The following GAB1 variants were observed in gnomAD, a reference collection of about 807,000 sequenced individuals.
GAB1 encodes the protein GRB2 associated binding protein 1.
In GAB1, 19 loss-of-function variants were observed where a neutral mutation model predicts 66.5. The observed-to-expected ratio is 0.29, with a 90% CI of 0.20 to 0.42. The LOEUF (loss-of-function observed/expected upper bound fraction) is 0.42. Ranked by LOEUF, GAB1 falls within the 10% of genes least tolerant of loss-of-function variation. The pLI, the probability that GAB1 is intolerant of heterozygous loss-of-function variation, is 1.00. For missense variants in GAB1, 732 were observed against 858.5 expected (o/e 0.85, Z 1.84); for synonymous variants, 294 against 301.4 (o/e 0.98, Z 0.25).
chr4:143,413,824 C>CCTTTTTTTTTTTTTTTTTTTTTT (rs61697817), intron 1 of GAB1, among the ~76,000 whole-genome samples: 7 of 67,828 alleles, frequency 1.0e-4, no homozygotes, highest in African/African-American at 6.6e-4. Flanking sequence ...CCCCGCTGCC[C>CCTTTTTTTTTTTTTTTTTTTTTT]TTTTTTTTTT....
At chr4:143,363,523 TA>T (rs1186596868) in intron 1 of GAB1, among the ~76,000 whole-genome samples, 3 of 151,930 alleles carry the variant, frequency 2.0e-5, no homozygotes, top group Admixed American at 2.0e-4. Flanking sequence ...CCCAAGAGCA[TA>T]GTTGAAGAAG....
chr4:143,373,822 CCTCTCTCT>C (rs3049718), intron 1 of GAB1, among the ~76,000 whole-genome samples: 7,288 of 96,912 alleles, frequency 0.075, 379 homozygotes, highest in Non-Finnish European at 0.11. Flanking sequence ...GGAGTGAAAC[CCTCTCTCT>C]CTCTCTCTCT....
intron 1 of GAB1, among the ~76,000 whole-genome samples, chr4:143,344,578 TTGTAC>T (rs1728930818): frequency 6.6e-6 from 1 of 152,204 alleles, no homozygotes; most frequent in Non-Finnish European, 1.5e-5. Flanking sequence ...AAGTGGCCCA[TTGTAC>T]TGTGGATTTC....
chr4:143,465,638 C>T (rs1304955428), intron 8 of GAB1, among the ~76,000 whole-genome samples: 1 of 152,086 alleles, frequency 6.6e-6, no homozygotes, highest in African/African-American at 2.4e-5. Flanking sequence ...AGGAAAAGAT[C>T]AGGCTAAGGA....
intron 1 of GAB1, among the ~76,000 whole-genome samples, chr4:143,408,073 T>G (rs1306323173): frequency 6.6e-6 from 1 of 152,186 alleles, no homozygotes; most frequent in Non-Finnish European, 1.5e-5. Flanking sequence ...ACCCCCTAAG[T>G]GCCAGTCTTT....
chr4:143,466,536 C>A (rs549344885), intron 9 of GAB1, among the ~76,000 whole-genome samples: 1 of 121,196 alleles, frequency 8.3e-6, no homozygotes, highest in South Asian at 2.8e-4. Context: ...GTTGCCCAGG[C>A]TGGAGTGCAG....
chr4:143,344,012 C>T (rs969691729), intron 1 of GAB1, among the ~76,000 whole-genome samples: 1 of 152,170 alleles, frequency 6.6e-6, no homozygotes, highest in Non-Finnish European at 1.5e-5. Flanking sequence ...GTTTGGTCAC[C>T]TGAACTTATT....
intron 1 of GAB1, among the ~76,000 whole-genome samples, chr4:143,357,456 G>A (rs1009771138): frequency 1.3e-5 from 2 of 152,172 alleles, no homozygotes; most frequent in African/African-American, 4.8e-5. Context: ...GTGAGAACAT[G>A]AGGCAGCATA....
intron 1 of GAB1, among the ~76,000 whole-genome samples, chr4:143,415,258 T>C (rs1732619571): frequency 6.6e-6 from 1 of 152,214 alleles, no homozygotes; most frequent in Admixed American, 6.5e-5. Context: ...TAATCGAACA[T>C]ACTGAATATA....
intron 6 of GAB1, among the ~76,000 whole-genome samples, chr4:143,445,348 T>C (rs1376067919): frequency 2.6e-5 from 4 of 152,214 alleles, no homozygotes; most frequent in Non-Finnish European, 5.9e-5. Context: ...TGATTAGTGA[T>C]GGAGTATTTT....
At chr4:143,385,759 T>A (rs1190381757) in intron 1 of GAB1, among the ~76,000 whole-genome samples, 5 of 152,128 alleles carry the variant, frequency 3.3e-5, no homozygotes, top group Admixed American at 3.3e-4. Flanking sequence ...AGAGCTTCTG[T>A]TACTATAGAA....
chr4:143,339,383 C>G (rs1243059920), intron 1 of GAB1, among the ~76,000 whole-genome samples: 2 of 152,180 alleles, frequency 1.3e-5, no homozygotes, highest in Non-Finnish European at 2.9e-5. Context: ...TGGTGGTGTA[C>G]GCCTGTAATC....
At chr4:143,418,020 G>A (rs1431492402) in intron 2 of GAB1, among the ~76,000 whole-genome samples, 2 of 152,340 alleles carry the variant, frequency 1.3e-5, no homozygotes, top group East Asian at 3.9e-4. Context: ...AGGCCAGCGT[G>A]CCGCTTCCTC....
intron 1 of GAB1, among the ~76,000 whole-genome samples, chr4:143,410,558 A>C (rs1471591797): frequency 6.6e-6 from 1 of 152,212 alleles, no homozygotes; most frequent in Non-Finnish European, 1.5e-5. Flanking sequence ...CTTAAGACCT[A>C]GCTTCAGTGT....
rs1736155718 is a variant in GAB1 at position 143,473,181 on chromosome 4, A to G, written c.*3992A>G. 2 of 152,178 alleles carry G rather than the reference A, an allele frequency of 1.3e-5. No individual in the cohort carries two copies. The highest frequency in any genetic ancestry group is 2.4e-5 in the African/African-American group (1 of 41,450). 9.4% of individuals were successfully genotyped at this position (152,178 alleles called of 1,614,324 possible). Reference sequence around the variant, plus strand: ...TGTAAGTTCTTGATTACTGATGATCATCCCAAATTTTGACAACAAAATCAT... The same window carrying G: ...TGTAAGTTCTTGATTACTGATGATCGTCCCAAATTTTGACAACAAAATCAT... On this transcript the variant is annotated 3_prime_UTR_variant, in exon 10 of 10. Coordinates refer to ENST00000262994, the MANE Select transcript of GAB1 (RefSeq NM_002039.4).
At chr4:143,409,427 GCTGT>G (rs1432042465) in intron 1 of GAB1, among the ~76,000 whole-genome samples, 3 of 149,880 alleles carry the variant, frequency 2.0e-5, no homozygotes, top group African/African-American at 7.4e-5. Context: ...AGTCTCAGTG[GCTGT>G]CTGTGATGAT....
At chr4:143,386,288 G>C (rs1730908416) in intron 1 of GAB1, among the ~76,000 whole-genome samples, 1 of 152,128 alleles carries the variant, frequency 6.6e-6, no homozygotes, top group Admixed American at 6.5e-5. Context: ...GAATATTTGT[G>C]AATACGTAAT....
intron 1 of GAB1, among the ~76,000 whole-genome samples, chr4:143,379,767 T>G (rs188054760): frequency 5.1e-4 from 78 of 151,984 alleles, no homozygotes; most frequent in African/African-American, 1.7e-3. Flanking sequence ...TTTGTATGTT[T>G]TGTAGAGACA....
At chr4:143,424,798 T>C in intron 2 of GAB1, 1 of 303,220 alleles carries the variant, frequency 3.3e-6, no homozygotes, top group East Asian at 8.1e-5. Flanking sequence ...CTACTAAAAA[T>C]ACAAAAGTTA....
Sources: gnomAD v4.1 joint callset for allele counts (sites outside exome capture counted in the v4.1 genomes callset) on GRCh38, gnomAD v4.1.1 for gene constraint, MANE v1.5 for transcripts, NCBI Gene and HGNC (gene_info 2026-07-23, HGNC 2026-07-21) for gene names.